Variants in CSMD1 observed in about 807,000 individuals in gnomAD.
CSMD1 encodes the protein CUB and Sushi multiple domains 1.
CSMD1 carries 213 observed loss-of-function variants against 417.5 expected under a neutral mutation model. That is an observed-to-expected ratio of 0.51 (90% CI 0.46 to 0.57). The LOEUF (loss-of-function observed/expected upper bound fraction) is 0.57. Ranked by LOEUF, CSMD1 falls within the 20% of genes least tolerant of loss-of-function variation. The pLI, the probability that CSMD1 is intolerant of heterozygous loss-of-function variation, is 0.00. For synonymous variants in CSMD1, 2,862 were observed against 1,736.8 expected, an observed-to-expected ratio of 1.65 and a Z score of -16.11; for missense variants, 6,923 against 4,529.7, an observed-to-expected ratio of 1.53 and a Z score of -15.17.
At chr8:2,957,958 A>C (rs1270166452) in intron 62 of CSMD1, among the ~76,000 whole-genome samples, 151 bp from the exon 63 acceptor site, 1 of 152,238 alleles carries the variant, frequency 6.6e-6, no homozygotes, top group Non-Finnish European at 1.5e-5. Flanking sequence ...TGTACATTTT[A>C]ACTGCCTGCT....
Position 4,862,150 on chromosome 8 carries a change from A to G in CSMD1, c.85+132182T>C, listed in dbSNP as rs146247509. ...GTCTGGGGACAAGGAGGCATCAGGG[A>G]GTGAACGGGAGCTGAGGTGGGAGTG... On this transcript the variant is annotated intron_variant, in intron 1 of 69. Coordinates refer to ENST00000635120, the MANE Select transcript of CSMD1 (RefSeq NM_033225.6). Among the ~76,000 whole-genome samples the G allele has an allele frequency of 1.6e-3, 237 of 152,128 alleles. 1 individual carries two copies. Among genetic ancestry groups the G allele is most frequent in the African/African-American group, 5.4e-3 (223 of 41,448 alleles).
intron 1 of CSMD1, among the ~76,000 whole-genome samples, chr8:4,890,888 C>G (rs1267293167): frequency 6.6e-6 from 1 of 152,028 alleles, no homozygotes; most frequent in African/African-American, 2.4e-5. Flanking sequence ...TCAGCCAAAC[C>G]CCTAGAGCTC....
chr8:3,846,289 T>A (rs961608734), intron 5 of CSMD1, among the ~76,000 whole-genome samples: 1 of 152,180 alleles, frequency 6.6e-6, no homozygotes, highest in East Asian at 1.9e-4. Flanking sequence ...TGTCAATAGG[T>A]GATAGGAATA....
At chr8:4,945,351 T>A (rs1808296978) in intron 1 of CSMD1, among the ~76,000 whole-genome samples, 1 of 152,184 alleles carries the variant, frequency 6.6e-6, no homozygotes, top group Non-Finnish European at 1.5e-5. Flanking sequence ...CATGTGAAGA[T>A]ACATAACACT....
At chr8:3,336,780 G>T (rs961358119) in intron 23 of CSMD1, among the ~76,000 whole-genome samples, 1 of 152,126 alleles carries the variant, frequency 6.6e-6, no homozygotes, top group Admixed American at 6.5e-5. Context: ...TGCATCGCTG[G>T]CCCTGGGCTG....
chr8:4,129,015 G>A (rs932475187), intron 3 of CSMD1, among the ~76,000 whole-genome samples: 7 of 145,468 alleles, frequency 4.8e-5, no homozygotes, highest in African/African-American at 1.5e-4. Flanking sequence ...GTCAGAGGCT[G>A]CAGTAAGCCG....
chr8:3,880,004 C>T (rs1415604993), intron 5 of CSMD1, among the ~76,000 whole-genome samples: 1 of 151,698 alleles, frequency 6.6e-6, no homozygotes, highest in Non-Finnish European at 1.5e-5. Context: ...GATTCTGTAC[C>T]GAAGTTACTG....
intron 35 of CSMD1, 33 bp downstream of exon 35, chr8:3,188,854 C>A: frequency 6.8e-7 from 1 of 1,471,442 alleles, no homozygotes; most frequent in South Asian, 1.4e-5. Context: ...CCCAGCTGAG[C>A]CCTGTTGTAG....
intron 5 of CSMD1, among the ~76,000 whole-genome samples, chr8:3,899,695 C>G (rs544858563): frequency 5.9e-5 from 9 of 152,106 alleles, no homozygotes; most frequent in African/African-American, 1.9e-4. Flanking sequence ...CTAAATATGA[C>G]AAATAACTGA....
chr8:3,507,552 T>C (rs1796879993), intron 10 of CSMD1, among the ~76,000 whole-genome samples: 1 of 152,210 alleles, frequency 6.6e-6, no homozygotes, highest in South Asian at 2.1e-4. Context: ...ATGGTATTTC[T>C]AGTTCTAGAT....
At chr8:3,592,624 A>C (rs1800899611) in intron 8 of CSMD1, among the ~76,000 whole-genome samples, 1 of 152,052 alleles carries the variant, frequency 6.6e-6, no homozygotes, top group South Asian at 2.1e-4. Context: ...GAGCAGGAGG[A>C]AGGGTGAATG....
chr8:3,381,631 C>A (rs1810632769), intron 18 of CSMD1, among the ~76,000 whole-genome samples: 1 of 152,112 alleles, frequency 6.6e-6, no homozygotes, highest in South Asian at 2.1e-4. Context: ...TATAATTAGC[C>A]AGTAGTTATC....
At chr8:4,663,906 C>G (rs533405125) in intron 1 of CSMD1, among the ~76,000 whole-genome samples, 1 of 152,282 alleles carries the variant, frequency 6.6e-6, no homozygotes, top group South Asian at 2.1e-4. Flanking sequence ...TTCTCAAAAT[C>G]CAGTGTCATC....
intron 12 of CSMD1, among the ~76,000 whole-genome samples, chr8:3,436,660 G>C (rs1248944368): frequency 6.6e-6 from 1 of 152,048 alleles, no homozygotes; most frequent in Non-Finnish European, 1.5e-5. Context: ...AACAAGAAAA[G>C]TGTGAGTCTT....
At chr8:4,226,459 A>T (rs1200862167) in intron 3 of CSMD1, among the ~76,000 whole-genome samples, 4 of 152,198 alleles carry the variant, frequency 2.6e-5, no homozygotes, top group African/African-American at 9.7e-5. Flanking sequence ...CAAAGAATTA[A>T]AATACTTGCA....
At chr8:4,563,904 A>G (rs990289410) in intron 2 of CSMD1, among the ~76,000 whole-genome samples, 2 of 152,140 alleles carry the variant, frequency 1.3e-5, no homozygotes, top group Non-Finnish European at 2.9e-5. Flanking sequence ...TTTATTTAAA[A>G]TGTTTCTTCT....
chr8:4,253,907 CTTTTTT>C (rs147795407), intron 3 of CSMD1, among the ~76,000 whole-genome samples: 128 of 80,992 alleles, frequency 1.6e-3, no homozygotes, highest in African/African-American at 3.5e-3. Flanking sequence ...TTCCTTCCAT[CTTTTTT>C]TTTTTTTTTT....
intron 1 of CSMD1, among the ~76,000 whole-genome samples, chr8:4,675,792 ACT>A (rs1470504841): frequency 6.6e-6 from 1 of 152,112 alleles, no homozygotes; most frequent in Non-Finnish European, 1.5e-5. Context: ...ACATTCAGGT[ACT>A]CTGTTTTCTT....
intron 25 of CSMD1, among the ~76,000 whole-genome samples, chr8:3,291,070 C>G (rs1303639973): frequency 6.6e-6 from 1 of 152,158 alleles, no homozygotes; most frequent in East Asian, 1.9e-4. Flanking sequence ...TTTTCTGCAT[C>G]TTTTGAGATA....
Sources: gnomAD v4.1 joint callset for allele counts (sites outside exome capture counted in the v4.1 genomes callset) on GRCh38, gnomAD v4.1.1 for gene constraint, MANE v1.5 for transcripts, NCBI Gene and HGNC (gene_info 2026-07-23, HGNC 2026-07-21) for gene names.